DCUN1D1: variants seen among roughly 807,000 people sequenced by gnomAD.
The protein encoded by DCUN1D1 is DCN1-like protein 1.
Under a neutral mutation model 39.0 loss-of-function variants are expected in DCUN1D1, and 3 were observed. That is an observed-to-expected ratio of 0.08 (90% CI 0.04 to 0.20). The LOEUF is 0.20. Among genes scored for constraint, DCUN1D1 ranks in the 10% least tolerant of loss-of-function variants. The probability of loss-of-function intolerance (pLI) is 1.00; values close to 1 mark genes in which losing one functional copy is unlikely to be tolerated. For synonymous variants in DCUN1D1, 82 were observed against 96.3 expected, an observed-to-expected ratio of 0.85 and a Z score of 0.87; for missense variants, 158 against 302.4, an observed-to-expected ratio of 0.52 and a Z score of 3.54.
intron 1 of DCUN1D1, among the ~76,000 whole-genome samples, chr3:182,967,450 CTA>C (rs1727730401): frequency 6.6e-6 from 1 of 152,118 alleles, no homozygotes; most frequent in Non-Finnish European, 1.5e-5. Context: ...AAAAACAAGA[CTA>C]TGCAAAATCA....
intron 1 of DCUN1D1, among the ~76,000 whole-genome samples, chr3:182,974,114 T>C (rs1033236654): frequency 6.6e-6 from 1 of 151,918 alleles, no homozygotes; most frequent in African/African-American, 2.4e-5. Context: ...TAGCCGGGCA[T>C]GGTGGCACAT....
In DCUN1D1 at chr3:182,972,217, G is replaced by GA. The variant is rs541716059; in HGVS notation, c.4-6465dup. ...CTATAGTTTTAAATGTACACAGGTT[G>GA]AAAAAAAAAATCACAGGGCACTCTA... On this transcript the variant is annotated intron_variant, in intron 1 of 6. Coordinates refer to ENST00000292782, the MANE Select transcript of DCUN1D1 (RefSeq NM_020640.4). 2.8e-3 allele frequency among the ~76,000 whole-genome samples: 417 copies of GA among 147,452 alleles called. 1 individual carries two copies. The highest frequency in any genetic ancestry group is 8.2e-3 in the African/African-American group (330 of 40,338).
intron 1 of DCUN1D1, among the ~76,000 whole-genome samples, chr3:182,977,536 A>C (rs563802057): frequency 1.3e-5 from 2 of 151,906 alleles, no homozygotes; most frequent in East Asian, 3.9e-4. Flanking sequence ...TCTGGGTTCC[A>C]GTGATTCTCC....
intron 1 of DCUN1D1, among the ~76,000 whole-genome samples, chr3:182,975,423 G>T (rs931289454): frequency 8.6e-5 from 13 of 151,758 alleles, no homozygotes; most frequent in Non-Finnish European, 1.5e-5. Flanking sequence ...TGATCCGCCC[G>T]CCTCAGCCCC....
upstream of DCUN1D1, among the ~76,000 whole-genome samples, chr3:182,985,221 C>G (rs1728687471): frequency 6.6e-6 from 1 of 152,148 alleles, no homozygotes; most frequent in South Asian, 2.1e-4. Flanking sequence ...TTCCAAAGCT[C>G]ATACCAAACT....
chr3:182,969,445 A>C (rs1408331292), intron 1 of DCUN1D1, among the ~76,000 whole-genome samples: 3 of 152,240 alleles, frequency 2.0e-5, no homozygotes, highest in Non-Finnish European at 4.4e-5. Flanking sequence ...AGGTGGAAGA[A>C]AAAACAGATG....
intron 1 of DCUN1D1, among the ~76,000 whole-genome samples, chr3:182,972,540 G>C (rs1727995960): frequency 1.3e-5 from 2 of 152,250 alleles, no homozygotes; most frequent in South Asian, 4.1e-4. Context: ...ACTTTGGGAG[G>C]TCGAGGGAGG....
intron 3 of DCUN1D1, among the ~76,000 whole-genome samples, chr3:182,963,327 T>C (rs1416125446): frequency 6.6e-6 from 1 of 152,168 alleles, no homozygotes; most frequent in African/African-American, 2.4e-5. Flanking sequence ...AGTGGCCCAC[T>C]AAAAAACAGA....
intron 1 of DCUN1D1, among the ~76,000 whole-genome samples, chr3:182,975,682 TAAAA>T (rs56722976): frequency 7.4e-5 from 9 of 121,994 alleles, no homozygotes; most frequent in South Asian, 5.1e-4. Context: ...CTTGCTGGGT[TAAAA>T]AAAAAAAAAA....
Position 182,947,277 on chromosome 3 carries a change from T to C in DCUN1D1, c.661A>G (p.Thr221Ala). 1 of 1,610,272 alleles carries C rather than the reference T, an allele frequency of 6.2e-7. No individual in the cohort carries two copies. Among genetic ancestry groups the C allele is most frequent in the Non-Finnish European group, 8.5e-7 (1 of 1,178,898 alleles). Reference sequence around the variant, plus strand: ...TTAGACATGTCATCTGCAATCATCGTACTGAAGTCTAAAAGAAGATTCCAA... The same window carrying C: ...TTAGACATGTCATCTGCAATCATCGCACTGAAGTCTAAAAGAAGATTCCAA... ...DTWNLLLDFS[T>A]MIADDMSNYD... Residue 221 changes from threonine (T) to alanine (A), a missense_variant, in exon 6 of 7, where the codon ACG becomes GCG. By Grantham distance (58) the Thr-to-Ala change is moderately conservative. Transcript: ENST00000292782.
intron 4 of DCUN1D1, 55 bp from the exon 5 acceptor site, chr3:182,947,687 A>G: frequency 9.5e-7 from 1 of 1,053,696 alleles, no homozygotes; most frequent in Non-Finnish European, 1.4e-6. Flanking sequence ...TTGTCCCTGC[A>G]AAAATAACAA....
chr3:182,974,885 T>C (rs1477278404), intron 1 of DCUN1D1, among the ~76,000 whole-genome samples: 3 of 152,160 alleles, frequency 2.0e-5, no homozygotes, highest in African/African-American at 2.4e-5. Context: ...TGATTTTTTT[T>C]CCTTCTGTTT....
chr3:182,953,671 A>G (rs1049014397), intron 4 of DCUN1D1, among the ~76,000 whole-genome samples: 6 of 152,260 alleles, frequency 3.9e-5, no homozygotes, highest in Admixed American at 6.5e-5. Context: ...ATTTAGAACT[A>G]TTAGATTCTG....
chr3:182,970,684 T>A (rs1196671485), intron 1 of DCUN1D1, among the ~76,000 whole-genome samples: 1 of 152,228 alleles, frequency 6.6e-6, no homozygotes, highest in Admixed American at 6.5e-5. Flanking sequence ...CGATCACCTA[T>A]AATTCTCACT....
chr3:182,945,597 AAAAC>A (rs150035022), intron 6 of DCUN1D1, among the ~76,000 whole-genome samples: 15,201 of 151,842 alleles, frequency 0.1, 2,473 homozygotes, highest in African/African-American at 0.35. Context: ...ACTCCCTCTC[AAAAC>A]AAACAAACAA....
At chr3:182,957,814 T>C (rs1271060059) in intron 4 of DCUN1D1, among the ~76,000 whole-genome samples, 3 of 148,334 alleles carry the variant, frequency 2.0e-5, no homozygotes, top group Non-Finnish European at 4.5e-5. Context: ...TGCTTCCCTA[T>C]ATAGTTCCAG....
At chr3:182,945,242 T>C in intron 6 of DCUN1D1, 69 bp from the exon 7 acceptor site, 1 of 1,211,650 alleles carries the variant, frequency 8.3e-7, no homozygotes, top group Non-Finnish European at 1.2e-6. Flanking sequence ...AACATTTTAG[T>C]AGAATCCTTT....
At chr3:182,978,110 G>A (rs893143588) in intron 1 of DCUN1D1, among the ~76,000 whole-genome samples, 1 of 151,298 alleles carries the variant, frequency 6.6e-6, no homozygotes, top group African/African-American at 2.4e-5. Context: ...TTTTGGAGTC[G>A]TTTTTAGTCT....
At chr3:182,961,465 A>C in intron 3 of DCUN1D1, 109 bp from the exon 4 acceptor site, 1 of 1,023,794 alleles carries the variant, frequency 9.8e-7, no homozygotes, top group East Asian at 2.5e-5. Context: ...CTTTTTTAAA[A>C]ATCAAATAGT....
Sources: allele counts gnomAD v4.1 joint callset (sites outside exome capture counted in the v4.1 genomes callset), GRCh38; gene constraint gnomAD v4.1.1; transcripts MANE v1.5; gene names NCBI Gene and HGNC (gene_info 2026-07-23, HGNC 2026-07-21).